The following NRG3 variants were observed in gnomAD, a reference collection of about 807,000 sequenced individuals.
NRG3 encodes pro-neuregulin-3, membrane-bound isoform.
A neutral mutation model predicts 66.9 loss-of-function variants in NRG3; 31 were observed. That is an observed-to-expected ratio of 0.46 (90% CI 0.35 to 0.63). The LOEUF (loss-of-function observed/expected upper bound fraction) is 0.63. Ranked by LOEUF, NRG3 falls within the 20% of genes least tolerant of loss-of-function variation. The pLI, the probability that NRG3 is intolerant of heterozygous loss-of-function variation, is 0.00. For missense variants in NRG3, 910 were observed against 878.9 expected, an observed-to-expected ratio of 1.04 and a Z score of -0.45; for synonymous variants, 393 against 359.4, an observed-to-expected ratio of 1.09 and a Z score of -1.06.
intron 3 of NRG3, among the ~76,000 whole-genome samples, chr10:82,759,226 C>T (rs1361038204): frequency 6.6e-6 from 1 of 152,038 alleles, no homozygotes; most frequent in African/African-American, 2.4e-5. Flanking sequence ...AATCTGTTTG[C>T]ATATGCCTAC....
chr10:82,176,196 C>A (rs1274480234), intron 1 of NRG3, among the ~76,000 whole-genome samples: 1 of 152,124 alleles, frequency 6.6e-6, no homozygotes, highest in African/African-American at 2.4e-5. Flanking sequence ...GCTTTAGAAG[C>A]CATTTTATGA....
chr10:82,559,593 G>A (rs2132992729), intron 2 of NRG3, among the ~76,000 whole-genome samples: 1 of 152,312 alleles, frequency 6.6e-6, no homozygotes, highest in South Asian at 2.1e-4. Context: ...CTGCAACCCA[G>A]AAGGACAGCT....
intron 1 of NRG3, among the ~76,000 whole-genome samples, chr10:81,944,260 A>C (rs547725756): frequency 6.6e-6 from 1 of 152,370 alleles, no homozygotes; most frequent in African/African-American, 2.4e-5. Flanking sequence ...AAAGAGCAGC[A>C]GTGCATTATC....
intron 1 of NRG3, among the ~76,000 whole-genome samples, chr10:82,307,483 TATG>T (rs955779220): frequency 1.2e-4 from 18 of 152,318 alleles, no homozygotes; most frequent in African/African-American, 3.1e-4. Flanking sequence ...CCAAGATTAG[TATG>T]ATATTTTCCT....
At chr10:82,595,511 C>T (rs537654897) in intron 2 of NRG3, among the ~76,000 whole-genome samples, 10 of 152,176 alleles carry the variant, frequency 6.6e-5, no homozygotes, top group South Asian at 2.1e-4. Flanking sequence ...TGGGGCCAGG[C>T]GCGATGGCCC....
chr10:81,876,348 G>C (rs376625668), intron 1 of NRG3, among the ~76,000 whole-genome samples, 185 bp downstream of exon 1: 6 of 152,188 alleles, frequency 3.9e-5, no homozygotes, highest in South Asian at 2.1e-4. Flanking sequence ...CTCTGGTTCT[G>C]GGGGGGTGGG....
intron 1 of NRG3, among the ~76,000 whole-genome samples, chr10:82,132,549 C>CATATATATATATATGATATATATA (rs1554831283): frequency 6.1e-5 from 1 of 16,388 alleles, no homozygotes; most frequent in Non-Finnish European, 2.7e-4. Context: ...ATATATATAT[C>CATATATATATATATGATATATATA]TTTGTCTGGT....
At chr10:82,461,138 A>G (rs1048502563) in intron 2 of NRG3, among the ~76,000 whole-genome samples, 2 of 151,818 alleles carry the variant, frequency 1.3e-5, no homozygotes, top group South Asian at 4.2e-4. Flanking sequence ...GAACACCCTC[A>G]CAAATACCAT....
At chr10:82,213,003 C>T (rs894900633) in intron 1 of NRG3, among the ~76,000 whole-genome samples, 1 of 152,186 alleles carries the variant, frequency 6.6e-6, no homozygotes, top group Middle Eastern at 3.4e-3. Context: ...TTGCCCAGGC[C>T]CTACTTTCGG....
chr10:82,856,756 C>CAAAAAAAAAAAAAAAAAAAAAAAAA (rs67224862), intron 3 of NRG3, among the ~76,000 whole-genome samples: 3 of 107,476 alleles, frequency 2.8e-5, no homozygotes, highest in African/African-American at 3.6e-5. Flanking sequence ...AAAAAAAAAA[C>CAAAAAAAAAAAAAAAAAAAAAAAAA]AAAAAAAAAA....
intron 2 of NRG3, among the ~76,000 whole-genome samples, chr10:82,603,679 A>G (rs1053124699): frequency 6.6e-6 from 1 of 152,190 alleles, no homozygotes; most frequent in Non-Finnish European, 1.5e-5. Flanking sequence ...CTGAAAAAAA[A>G]AGTCTCAGGT....
chr10:82,747,260 ATTTAACGTAAATTAT>A (rs1317476938), intron 3 of NRG3, among the ~76,000 whole-genome samples: 2 of 152,112 alleles, frequency 1.3e-5, no homozygotes, highest in Middle Eastern at 3.4e-3. Context: ...TATTATAAGA[ATTTAACGTAAATTAT>A]TTTACCAGTC....
chr10:82,533,167 A>G (rs1052417577), intron 2 of NRG3, among the ~76,000 whole-genome samples: 2 of 149,908 alleles, frequency 1.3e-5, no homozygotes, highest in Admixed American at 6.7e-5. Flanking sequence ...TTTGTTTTCT[A>G]TTGAGATGTA....
At chr10:82,896,773 G>A (rs917374543) in intron 4 of NRG3, among the ~76,000 whole-genome samples, 1 of 152,210 alleles carries the variant, frequency 6.6e-6, no homozygotes, top group Non-Finnish European at 1.5e-5. Context: ...GTGGACTGTA[G>A]CAGAAACTAA....
At chr10:82,064,549 T>A (rs1268194071) in intron 1 of NRG3, among the ~76,000 whole-genome samples, 1 of 152,054 alleles carries the variant, frequency 6.6e-6, no homozygotes, top group East Asian at 1.9e-4. Context: ...TAGATTTGAG[T>A]AGCTAACTAA....
intron 1 of NRG3, among the ~76,000 whole-genome samples, chr10:82,348,900 C>T (rs1589805590): frequency 6.8e-6 from 1 of 147,312 alleles, no homozygotes; most frequent in Admixed American, 6.8e-5. Context: ...AGTTCTCGAG[C>T]CTTGGTTTTC....
intron 2 of NRG3, among the ~76,000 whole-genome samples, chr10:82,528,011 C>A (rs1029519128): frequency 2.0e-5 from 3 of 152,022 alleles, no homozygotes; most frequent in African/African-American, 7.3e-5. Flanking sequence ...TGGTCTCTAC[C>A]CCTAGATGTC....
chr10:82,234,089 T>C (rs948642428), intron 1 of NRG3, among the ~76,000 whole-genome samples: 4 of 152,300 alleles, frequency 2.6e-5, no homozygotes, highest in African/African-American at 9.6e-5. Context: ...ACCATTCTCA[T>C]TGATTTCTAG....
chr10:81,911,037 A>G (rs183283530), intron 1 of NRG3, among the ~76,000 whole-genome samples: 170 of 152,174 alleles, frequency 1.1e-3, no homozygotes, highest in Non-Finnish European at 2.0e-3. Flanking sequence ...TTATCCTTGG[A>G]ATATATGTAA....
Sources: allele counts gnomAD v4.1 joint callset (sites outside exome capture counted in the v4.1 genomes callset), GRCh38; gene constraint gnomAD v4.1.1; transcripts MANE v1.5; gene names NCBI Gene and HGNC (gene_info 2026-07-23, HGNC 2026-07-21).